The following CPS1 variants were observed in gnomAD, a reference collection of about 807,000 sequenced individuals.
CPS1 encodes the protein carbamoyl-phosphate synthase [ammonia], mitochondrial.
A neutral mutation model predicts 174.6 loss-of-function variants in CPS1; 109 were observed. That is an observed-to-expected ratio of 0.62 (90% confidence interval 0.53 to 0.73). CPS1 has a LOEUF of 0.73. Ranked by LOEUF, CPS1 falls within the 30% of genes least tolerant of loss-of-function variation. The pLI is 0.00. For synonymous variants in CPS1, 637 were observed against 632.0 expected (o/e 1.01, Z -0.12); for missense variants, 1,689 against 1,821.9 (o/e 0.93, Z 1.33).
In CPS1 at chr2:210,556,644, C is replaced by T; in HGVS notation, c.-90C>T. The T allele has an allele frequency of 6.3e-7, 1 of 1,578,290 alleles. No homozygotes were observed. Among genetic ancestry groups the T allele is most frequent in the South Asian group, 1.2e-5 (1 of 86,168 alleles). ...CCTTAAACACTGACTGCACCCCTCC[C>T]AGATTTCTTTTACATTAACTAAAAA... On this transcript the variant is annotated 5_prime_UTR_variant, in exon 1 of 38. Coordinates refer to ENST00000233072, the MANE Select transcript of CPS1 (RefSeq NM_001875.5).
In CPS1 at chr2:210,540,157, C is replaced by T. The variant is rs1251271216; in HGVS notation, c.4-16562C>T. The stretch of plus-strand genomic sequence containing the variant: ...CAGTTTAAGAATTTAACGAACTCCC[C>T]TCTCCCTGATTAAATCTACTTGTTA... On this transcript the variant is annotated intron_variant, in intron 1 of 38. Coordinates refer to the CPS1 transcript ENST00000430249. 2.0e-5 allele frequency among the ~76,000 whole-genome samples: 3 copies of T among 152,174 alleles called. No homozygotes were observed. The East Asian group carries it at 5.8e-4, about 29-fold the overall frequency.
intron 25 of CPS1, among the ~76,000 whole-genome samples, chr2:210,644,753 G>A (rs934119600): frequency 4.0e-5 from 6 of 151,888 alleles, no homozygotes; most frequent in Non-Finnish European, 2.9e-5. Context: ...TAAGCTTGAA[G>A]TATTTCCTTT....
At chr2:210,641,061 C>T (rs1180842956) in intron 24 of CPS1, among the ~76,000 whole-genome samples, 2 of 152,252 alleles carry the variant, frequency 1.3e-5, no homozygotes, top group East Asian at 3.9e-4. Flanking sequence ...GGAAGGAATG[C>T]TGTCTTTACA....
chr2:210,667,557 C>G (rs951336118), intron 33 of CPS1, among the ~76,000 whole-genome samples: 1 of 152,052 alleles, frequency 6.6e-6, no homozygotes, highest in African/African-American at 2.4e-5. Flanking sequence ...TGTTTTTTCC[C>G]CATATGGCTG....
At chr2:210,648,650 C>T in intron 27 of CPS1, 110 bp downstream of exon 27, 1 of 924,970 alleles carries the variant, frequency 1.1e-6, no homozygotes, top group South Asian at 1.3e-5. Flanking sequence ...TTTATAAATC[C>T]ATTAACAATT....
chr2:210,620,683 T>G (rs11685945), intron 21 of CPS1, among the ~76,000 whole-genome samples: 51,878 of 151,196 alleles, frequency 0.34, 9,535 homozygotes, highest in Middle Eastern at 0.5. Context: ...GTGGGGGAGG[T>G]GCCACATACT....
chr2:210,647,877 C>T lies in CPS1; in HGVS notation c.3156C>T (p.Cys1052=), dbSNP rs2105907856. 1 of 1,613,962 alleles carries T rather than the reference C, an allele frequency of 6.2e-7. No homozygotes were observed. Among genetic ancestry groups the T allele is most frequent in the South Asian group, 1.1e-5 (1 of 91,082 alleles). The change falls in exon 26 of 38, where the codon TGC becomes TGT. Residue 1052 remains cysteine (C), a synonymous_variant. Coordinates refer to ENST00000233072, the MANE Select transcript of CPS1 (RefSeq NM_001875.5). ...GTATTTTCCAGGCATGTGGTGGCTG[C>T]ATCATATCAGTTGGAGGCCAGATTC... ...DIYHQEACGG[C]IISVGGQIPN...
chr2:210,482,776 A>G (rs1036013060), intron 1 of CPS1, among the ~76,000 whole-genome samples: 1 of 152,180 alleles, frequency 6.6e-6, no homozygotes, highest in African/African-American at 2.4e-5. Flanking sequence ...ATCAATTTAC[A>G]TTTGTTATAT....
At chr2:210,567,618 T>A (rs949750459) in intron 1 of CPS1, among the ~76,000 whole-genome samples, 2 of 152,144 alleles carry the variant, frequency 1.3e-5, no homozygotes, top group African/African-American at 4.8e-5. Context: ...ACATAGGTAA[T>A]TATTAATATT....
chr2:210,663,145 G>A lies in CPS1; in HGVS notation c.3950G>A (p.Arg1317Gln), dbSNP rs369682093. Residue 1317 changes from arginine (R) to glutamine (Q), a missense_variant, in exon 33 of 38, where the codon CGG (arginine) becomes CAG (glutamine). Transcript: ENST00000233072. ...CAGGCTCCCATGTTTTCCTGGCCCC[G>A]GTTGAGGGATGCTGACCCCATTCTG... is the stretch of plus-strand genomic sequence containing the variant. The part of the protein sequence containing the change: ...AIKAPMFSWP[R>Q]LRDADPILRC... 11 of 1,613,472 alleles carry A rather than the reference G, an allele frequency of 6.8e-6. No individual in the cohort carries two copies. Among genetic ancestry groups the A allele is most frequent in the African/African-American group, 2.7e-5 (2 of 74,792 alleles).
At chr2:210,647,754 T>C in intron 25 of CPS1, 109 bp from the exon 26 acceptor site, 1 of 1,347,696 alleles carries the variant, frequency 7.4e-7, no homozygotes, top group East Asian at 2.3e-5. Context: ...GATGTAAATA[T>C]CACAGTCAGG....
In CPS1 at chr2:210,579,740, A is replaced by C; in HGVS notation, c.498A>C (p.Thr166=). ...EKVPAIYGVD[T]RMLTKIIRDK... is the part of the protein sequence containing the mutation. ...TTCCTGCAATTTATGGAGTGGACAC[A>C]AGAATGCTGACTAAAATAATTCGGG... The change falls in exon 5 of 38, where the codon ACA becomes ACC. Residue 166 remains threonine, a synonymous_variant. Transcript: ENST00000233072. 6.2e-7 allele frequency: 1 copy of C among 1,613,334 alleles called. No individual in the cohort carries two copies. Among genetic ancestry groups the C allele is most frequent in the Non-Finnish European group, 8.5e-7 (1 of 1,179,740 alleles).
At chr2:210,596,004 A>C (rs1228242422) in intron 13 of CPS1, among the ~76,000 whole-genome samples, 1 of 151,484 alleles carries the variant, frequency 6.6e-6, no homozygotes, top group South Asian at 2.1e-4. Flanking sequence ...GAAATGGGAA[A>C]CTCCAGTTGG....
chr2:210,534,030 G>T (rs1310784657), intron 1 of CPS1, among the ~76,000 whole-genome samples: 1 of 152,154 alleles, frequency 6.6e-6, no homozygotes, highest in Non-Finnish European at 1.5e-5. Context: ...TTAGTTGGTT[G>T]CTCCTTGATT....
At chr2:210,556,252 G>A (rs4142155), upstream of CPS1, 18,890 of 434,164 alleles carry the variant, frequency 0.044, 1,857 homozygotes, top group Admixed American at 0.21. Flanking sequence ...AATGGCAAGC[G>A]TTCAGCTTTC....
At chr2:210,557,839 C>G (rs558590016) in intron 1 of CPS1, among the ~76,000 whole-genome samples, 1 of 152,114 alleles carries the variant, frequency 6.6e-6, no homozygotes, top group Admixed American at 6.6e-5. Context: ...ATTGAGTTGA[C>G]TAAGCTTCTA....
rs544595503 is a variant in CPS1, at chr2:210,574,511, A to G, written c.236+1104A>G. ...AAATAGTTCCACTGGTGAGAACATT[A>G]AATTACAGTGTATGAAATCTGTTTG... On this transcript the variant is annotated intron_variant, in intron 2 of 37. Transcript: ENST00000233072. Among the ~76,000 whole-genome samples, 21 of 152,264 alleles carry G rather than the reference A, an allele frequency of 1.4e-4. No homozygotes were observed. The South Asian group carries it at 4.3e-3, about 32-fold the overall frequency.
At chr2:210,641,917 A>G (rs1449372774) in intron 24 of CPS1, among the ~76,000 whole-genome samples, 1 of 152,196 alleles carries the variant, frequency 6.6e-6, no homozygotes, top group Non-Finnish European at 1.5e-5. Context: ...AGATTTCTTT[A>G]TAGAAGGTCA....
intron 1 of CPS1, among the ~76,000 whole-genome samples, chr2:210,509,513 G>A (rs1246809969): frequency 6.6e-6 from 1 of 152,078 alleles, no homozygotes; most frequent in African/African-American, 2.4e-5. Context: ...TCAACATAGT[G>A]TTGGAAGTTC....
Sources: allele counts gnomAD v4.1 joint callset (sites outside exome capture counted in the v4.1 genomes callset), GRCh38; gene constraint gnomAD v4.1.1; transcripts MANE v1.5; gene names NCBI Gene and HGNC (gene_info 2026-07-23, HGNC 2026-07-21).